The following NME7 variants were observed in gnomAD, a reference collection of about 807,000 sequenced individuals.
The protein encoded by NME7 is nucleoside diphosphate kinase 7.
A neutral mutation model predicts 49.1 loss-of-function variants in NME7; 41 were observed. The ratio of observed to expected loss-of-function variants is 0.83; its 90% CI spans 0.65 to 1.08. NME7 has a LOEUF of 1.08. Ranked by LOEUF, NME7 falls within the 50% of genes least tolerant of loss-of-function variation. The pLI is 0.00. For missense variants in NME7, 423 were observed against 463.4 expected (o/e 0.91, Z 0.80); for synonymous variants, 139 against 150.6 (o/e 0.92, Z 0.56).
chr1:169,211,765 A>C (rs1254385117), intron 10 of NME7, among the ~76,000 whole-genome samples: 4 of 152,176 alleles, frequency 2.6e-5, no homozygotes, highest in Non-Finnish European at 5.9e-5. Context: ...TTAGTTAAAA[A>C]ATCCACGCAT....
chr1:169,347,854 G>A (rs1358745105), intron 1 of NME7, among the ~76,000 whole-genome samples: 1 of 152,124 alleles, frequency 6.6e-6, no homozygotes, highest in Non-Finnish European at 1.5e-5. Flanking sequence ...AGCAGCCCTG[G>A]TTGCAGAGAT....
At chr1:169,146,215 A>T (rs1452500164) in intron 11 of NME7, among the ~76,000 whole-genome samples, 1 of 152,208 alleles carries the variant, frequency 6.6e-6, no homozygotes, top group Non-Finnish European at 1.5e-5. Context: ...AAAAGATCCC[A>T]TACTACACAT....
intron 10 of NME7, among the ~76,000 whole-genome samples, chr1:169,219,328 T>C (rs1025683039): frequency 2.0e-5 from 3 of 152,260 alleles, no homozygotes; most frequent in African/African-American, 7.2e-5. Flanking sequence ...TGCCATGTGC[T>C]AAGTACTACA....
Position 169,360,591 on chromosome 1 carries a change from C to T in NME7, c.3+7117G>A, listed in dbSNP as rs145125801. Among the ~76,000 whole-genome samples the T allele has an allele frequency of 2.3e-3, 356 of 152,312 alleles. 1 individual carries two copies. Among genetic ancestry groups the T allele is most frequent in the Non-Finnish European group, 3.7e-3 (249 of 68,030 alleles). On this transcript the variant is annotated intron_variant, in intron 1 of 11. Coordinates refer to ENST00000367811, the MANE Select transcript of NME7 (RefSeq NM_013330.5). Reference sequence around the variant, plus strand: ...TCTCATTCCCTAGGCCCCAGCCACACTATCTCCCTCCTGTTCCTCTAATGC... The same window carrying T: ...TCTCATTCCCTAGGCCCCAGCCACATTATCTCCCTCCTGTTCCTCTAATGC...
intron 11 of NME7, among the ~76,000 whole-genome samples, chr1:169,134,772 T>G (rs1414416564): frequency 2.6e-5 from 4 of 151,988 alleles, no homozygotes; most frequent in African/African-American, 9.7e-5. Context: ...TTTGTTCAAG[T>G]ATAGCACTGA....
intron 11 of NME7, 126 bp from the exon 12 acceptor site, chr1:169,132,943 A>G (rs1244579410): frequency 1.0e-5 from 5 of 482,864 alleles, no homozygotes; most frequent in Non-Finnish European, 1.6e-5. Context: ...ACTAAAAGTT[A>G]ATCAATCAAT....
chr1:169,207,027 T>C (rs1024898587), intron 10 of NME7, among the ~76,000 whole-genome samples: 1 of 152,040 alleles, frequency 6.6e-6, no homozygotes, highest in Non-Finnish European at 1.5e-5. Context: ...CATCTGAGGA[T>C]AGGTAATTTA....
intron 10 of NME7, among the ~76,000 whole-genome samples, chr1:169,192,421 T>C (rs2101765207): frequency 6.6e-6 from 1 of 152,250 alleles, no homozygotes; most frequent in East Asian, 1.9e-4. Flanking sequence ...ATAACAAAAT[T>C]TACATAGCAT....
chr1:169,278,912 C>T (rs1034159596), intron 7 of NME7, among the ~76,000 whole-genome samples: 5 of 152,160 alleles, frequency 3.3e-5, no homozygotes, highest in Admixed American at 3.3e-4. Flanking sequence ...AGACAGGACC[C>T]TCCGCTGCAG....
intron 10 of NME7, among the ~76,000 whole-genome samples, chr1:169,179,005 G>C (rs987744263): frequency 6.6e-6 from 1 of 151,996 alleles, no homozygotes; most frequent in Non-Finnish European, 1.5e-5. Context: ...ATTTTTAGTA[G>C]AGATGGGGTT....
intron 11 of NME7, among the ~76,000 whole-genome samples, chr1:169,168,643 G>A (rs557908246): frequency 1.3e-5 from 2 of 152,222 alleles, no homozygotes; most frequent in East Asian, 3.9e-4. Context: ...AAACAGTGTG[G>A]AGGTATGGGG....
intron 10 of NME7, among the ~76,000 whole-genome samples, chr1:169,192,767 T>C (rs1660270798): frequency 1.3e-5 from 2 of 152,176 alleles, no homozygotes; most frequent in Admixed American, 1.3e-4. Context: ...ACAGTATGCA[T>C]GATGTACAAA....
At chr1:169,305,181 T>C (rs976891672) in intron 4 of NME7, among the ~76,000 whole-genome samples, 2 of 152,248 alleles carry the variant, frequency 1.3e-5, no homozygotes, top group Admixed American at 6.5e-5. Flanking sequence ...ATCATTCTTA[T>C]CTAATTCTTT....
chr1:169,204,993 T>A (rs1660636045), intron 10 of NME7, among the ~76,000 whole-genome samples: 1 of 152,056 alleles, frequency 6.6e-6, no homozygotes, highest in Non-Finnish European at 1.5e-5. Flanking sequence ...CCATCTAATT[T>A]TTTGATCAAC....
chr1:169,270,284 T>A (rs552653285), intron 7 of NME7, among the ~76,000 whole-genome samples: 1 of 134,070 alleles, frequency 7.5e-6, no homozygotes, highest in South Asian at 2.3e-4. Flanking sequence ...GTTCTACTAC[T>A]CAATAAAAAG....
At chr1:169,262,467 C>A (rs1365694791) in intron 7 of NME7, among the ~76,000 whole-genome samples, 1 of 133,938 alleles carries the variant, frequency 7.5e-6, no homozygotes, top group African/African-American at 2.5e-5. Flanking sequence ...GGGGGCAGGG[C>A]TAAGATGGTA....
intron 10 of NME7, among the ~76,000 whole-genome samples, chr1:169,184,999 G>GAT (rs1660028457): frequency 6.6e-6 from 1 of 152,102 alleles, no homozygotes; most frequent in African/African-American, 2.4e-5. Flanking sequence ...CTCTACTAGA[G>GAT]ATATATGCAA....
chr1:169,314,515 A>T (rs1651534223), intron 3 of NME7, among the ~76,000 whole-genome samples: 1 of 152,146 alleles, frequency 6.6e-6, no homozygotes, highest in Non-Finnish European at 1.5e-5. Context: ...AACAGGCAGG[A>T]GAAGAAAGCT....
intron 11 of NME7, among the ~76,000 whole-genome samples, chr1:169,147,704 A>C (rs1197632368): frequency 4.6e-5 from 7 of 152,258 alleles, no homozygotes; most frequent in African/African-American, 1.4e-4. Flanking sequence ...TGACTGTATC[A>C]AATTCGTAAC....
Sources: gnomAD v4.1 joint callset for allele counts (sites outside exome capture counted in the v4.1 genomes callset) on GRCh38, gnomAD v4.1.1 for gene constraint, MANE v1.5 for transcripts, NCBI Gene and HGNC (gene_info 2026-07-23, HGNC 2026-07-21) for gene names.